Variants in MYO16 observed in about 807,000 individuals in gnomAD.
MYO16 encodes myosin XVI.
In MYO16, 94 loss-of-function variants were observed where a neutral mutation model predicts 205.3. The ratio of observed to expected loss-of-function variants is 0.46; its 90% CI spans 0.39 to 0.54. The LOEUF (loss-of-function observed/expected upper bound fraction) is 0.54, where lower values mean the gene tolerates loss of function less well. MYO16 is among the 20% of genes least tolerant of loss of function. The pLI is 0.00. For synonymous variants in MYO16, 988 were observed against 954.0 expected (o/e 1.04, Z -0.66); for missense variants, 2,315 against 2,387.5 (o/e 0.97, Z 0.63).
chr13:108,548,078 T>C, the MYO16 span, among the ~76,000 whole-genome samples: 1 of 152,366 alleles, frequency 6.6e-6, no homozygotes, highest in East Asian at 1.9e-4. Context: ...TTATATGAAA[T>C]ATATGAGATA....
intron 27 of MYO16, among the ~76,000 whole-genome samples, chr13:109,095,857 C>T (rs546301910): frequency 6.6e-6 from 1 of 152,314 alleles, no homozygotes; most frequent in South Asian, 2.1e-4. Context: ...GCCAACAAAC[C>T]AAGACTTCTT....
rs544026165 is a variant in MYO16 at position 109,162,137 on chromosome 13, A to G, written c.5165-2764A>G. ...TGTCTTGGCTATAGTTTAACCTGCCAATTGAAAAATAGAAATACGTTTAAA... is the reference window on the plus strand; with the variant it reads ...TGTCTTGGCTATAGTTTAACCTGCCGATTGAAAAATAGAAATACGTTTAAA... On this transcript the variant is annotated intron_variant, in intron 32 of 34. Coordinates refer to ENST00000457511, the MANE Select transcript of MYO16 (RefSeq NM_001198950.3). The surrounding 1 kb of genome is among the most constrained non-coding windows in gnomAD (Gnocchi z 4.6). Among the ~76,000 whole-genome samples the G allele has an allele frequency of 6.6e-6, 1 of 152,330 alleles. No homozygotes were observed. Among genetic ancestry groups the G allele is most frequent in the East Asian group, 1.9e-4 (1 of 5,186 alleles).
intron 34 of MYO16, among the ~76,000 whole-genome samples, chr13:109,180,231 A>AGAT (rs1347628698): frequency 6.6e-6 from 1 of 152,204 alleles, no homozygotes; most frequent in Non-Finnish European, 1.5e-5. Context: ...AAAATAAACA[A>AGAT]GATTATCACT....
chr13:108,913,939 G>A (rs956561852), intron 16 of MYO16, among the ~76,000 whole-genome samples: 2 of 152,136 alleles, frequency 1.3e-5, no homozygotes, highest in South Asian at 2.1e-4. Context: ...CCTCACTGCC[G>A]ATTTCTTTAT....
At chr13:108,700,060 T>C (rs1883238717) in intron 2 of MYO16, among the ~76,000 whole-genome samples, 1 of 152,054 alleles carries the variant, frequency 6.6e-6, no homozygotes, top group African/African-American at 2.4e-5. Context: ...AGGCTGGGCA[T>C]GGTGGTTCAT....
At chr13:108,769,286 G>A (rs1248924979) in intron 4 of MYO16, among the ~76,000 whole-genome samples, 1 of 152,164 alleles carries the variant, frequency 6.6e-6, no homozygotes, top group East Asian at 1.9e-4. Flanking sequence ...ACCAGGATGG[G>A]CCAGAGAGGT....
chr13:108,631,324 A>G (rs1353245469), intron 1 of MYO16, among the ~76,000 whole-genome samples: 2 of 152,202 alleles, frequency 1.3e-5, no homozygotes, highest in African/African-American at 2.4e-5. Flanking sequence ...GGACAGTGAC[A>G]TGGACGTGAG....
chr13:108,886,891 G>A (rs1453244422), intron 13 of MYO16, among the ~76,000 whole-genome samples: 1 of 152,076 alleles, frequency 6.6e-6, no homozygotes, highest in Non-Finnish European at 1.5e-5. Context: ...AGGACTTACT[G>A]TTTTAGTGAT....
At chr13:108,984,508 T>C (rs1482812584) in intron 20 of MYO16, among the ~76,000 whole-genome samples, 1 of 152,174 alleles carries the variant, frequency 6.6e-6, no homozygotes, top group Non-Finnish European at 1.5e-5. Flanking sequence ...TAGGGAAAAC[T>C]CTCTTTTCAG....
At chr13:108,871,322 T>TTGTATG (rs1385309392) in intron 12 of MYO16, among the ~76,000 whole-genome samples, 1 of 131,470 alleles carries the variant, frequency 7.6e-6, no homozygotes, top group Non-Finnish European at 1.6e-5. Context: ...CTATGTGACT[T>TTGTATG]TGTGTGTGTG....
the MYO16 span, among the ~76,000 whole-genome samples, chr13:108,529,500 C>A: frequency 6.6e-6 from 1 of 152,136 alleles, no homozygotes; most frequent in African/African-American, 2.4e-5. Flanking sequence ...CCCACCAGGG[C>A]AAGCTTCACT....
At chr13:108,926,533 G>A (rs1218618500) in intron 16 of MYO16, among the ~76,000 whole-genome samples, 2 of 152,124 alleles carry the variant, frequency 1.3e-5, no homozygotes, top group South Asian at 4.1e-4. Flanking sequence ...AAAAGCAGGG[G>A]TCGGGAGCCA....
intron 3 of MYO16, among the ~76,000 whole-genome samples, chr13:108,719,523 C>G (rs1018097217): frequency 1.3e-5 from 2 of 152,006 alleles, no homozygotes; most frequent in African/African-American, 4.8e-5. Flanking sequence ...GCGTCATCCC[C>G]CAGTTGTAGG....
rs146690265 is a variant in MYO16, at chr13:109,143,147, G to T, written c.5164+1771G>T. 1.1e-3 allele frequency among the ~76,000 whole-genome samples: 169 copies of T among 152,138 alleles called. 1 individual carries two copies. Among genetic ancestry groups the T allele is most frequent in the African/African-American group, 3.7e-3 (153 of 41,450 alleles). On this transcript the variant is annotated intron_variant, in intron 32 of 34. Transcript: ENST00000457511. ...TACAGTGTAGTAACACTTTATGCATGCATTAACCTGCTCCTTCACCAAAAG... is the reference window on the plus strand; with the variant it reads ...TACAGTGTAGTAACACTTTATGCATTCATTAACCTGCTCCTTCACCAAAAG...
chr13:108,735,806 T>A (rs1566578369), intron 4 of MYO16, among the ~76,000 whole-genome samples: 1 of 151,756 alleles, frequency 6.6e-6, no homozygotes, highest in Non-Finnish European at 1.5e-5. Flanking sequence ...CAGCACCTGT[T>A]GTTTCCTGAC....
the MYO16 span, among the ~76,000 whole-genome samples, chr13:108,542,815 C>T: frequency 6.6e-6 from 1 of 151,678 alleles, no homozygotes; most frequent in East Asian, 1.9e-4. Flanking sequence ...GTGAGAAAGC[C>T]CATCTGCATT....
At chr13:108,995,683 T>C (rs946812874) in intron 21 of MYO16, among the ~76,000 whole-genome samples, 1 of 152,138 alleles carries the variant, frequency 6.6e-6, no homozygotes, top group Non-Finnish European at 1.5e-5. Flanking sequence ...AGTGAGAACA[T>C]GCGGTGTTTC....
chr13:108,893,598 GA>G (rs1284035655), intron 14 of MYO16, among the ~76,000 whole-genome samples: 2 of 152,160 alleles, frequency 1.3e-5, no homozygotes, highest in Non-Finnish European at 2.9e-5. Context: ...CTATCTAGTA[GA>G]AAGTTTGAGG....
At chr13:108,661,373 T>A (rs1881494722) in intron 1 of MYO16, among the ~76,000 whole-genome samples, 1 of 152,128 alleles carries the variant, frequency 6.6e-6, no homozygotes, top group Non-Finnish European at 1.5e-5. Flanking sequence ...CCTCCATATA[T>A]GTTTTCCAGT....
Sources: gnomAD v4.1 joint callset for allele counts (sites outside exome capture counted in the v4.1 genomes callset) on GRCh38, gnomAD v4.1.1 for gene constraint, Gnocchi (gnomAD v3.1) non-coding constraint, MANE v1.5 for transcripts, NCBI Gene and HGNC (gene_info 2026-07-23, HGNC 2026-07-21) for gene names.